Variants in PRPSAP1 observed in about 807,000 individuals in gnomAD.
PRPSAP1 encodes the protein phosphoribosyl pyrophosphate synthetase associated protein 1.
In PRPSAP1, 31 loss-of-function variants were observed where a neutral mutation model predicts 39.4. The observed-to-expected ratio is 0.79, with a 90% CI of 0.59 to 1.06. PRPSAP1 has a LOEUF of 1.06. Ranked by LOEUF, PRPSAP1 falls within the 50% of genes least tolerant of loss-of-function variation. The pLI, the probability that PRPSAP1 is intolerant of heterozygous loss-of-function variation, is 0.00. For synonymous variants in PRPSAP1, 212 were observed against 192.6 expected, an observed-to-expected ratio of 1.10 and a Z score of -0.83; for missense variants, 430 against 511.6, an observed-to-expected ratio of 0.84 and a Z score of 1.54.
At position 76,332,378 on chromosome 17, in the gene PRPSAP1, G is replaced by A. The variant is rs752086634; in HGVS notation, c.348C>T (p.Ala116=). The change falls in exon 4 of 10, where the codon GCC becomes GCT. Residue 116 remains alanine (A), a synonymous_variant. Transcript: ENST00000446526. ...LLIMAYALKT[A]CARNIIGVIP... ...TGACCCCAATAATGTTCCTGGCACA[G>A]GCAGTCTTCAGTGCGTAAGCCATGA... The A allele has an allele frequency of 1.9e-6, 3 of 1,614,154 alleles. No homozygotes were observed. Among genetic ancestry groups the A allele is most frequent in the East Asian group, 4.5e-5 (2 of 44,874 alleles).
chr17:76,318,633 G>A (rs1201153880), intron 7 of PRPSAP1, among the ~76,000 whole-genome samples: 2 of 152,166 alleles, frequency 1.3e-5, no homozygotes, highest in African/African-American at 4.8e-5. Context: ...AATTTGGGAG[G>A]TGCAATTTAT....
chr17:76,344,734 G>A lies in PRPSAP1; in HGVS notation c.227C>T (p.Thr76Ile). The change falls in exon 3 of 10, where the codon ACA becomes ATA. Residue 76 changes from threonine (T) to isoleucine (I), a missense_variant. Around this residue, in one of 2 missense-constraint regions of PRPSAP1, gnomAD observed 152 missense variants for 135.2 expected, o/e 1.12. Coordinates refer to ENST00000446526, the MANE Select transcript of PRPSAP1 (RefSeq NM_002766.3). ...AACAGATTCTTTTATTTCAACTCTT[G>A]TTTCTGAAAAATAAAAATGTTCTGA... ...SVVYQETNGE[T>I]RVEIKESVRG... 6.4e-7 allele frequency: 1 copy of A among 1,562,222 alleles called. No homozygotes were observed. Among genetic ancestry groups the A allele is most frequent in the Non-Finnish European group, 8.7e-7 (1 of 1,146,014 alleles).
At chr17:76,352,663 A>AAAAG (rs1555598144) in intron 1 of PRPSAP1, among the ~76,000 whole-genome samples, 6 of 144,890 alleles carry the variant, frequency 4.1e-5, no homozygotes, top group African/African-American at 1.6e-4. Context: ...AAAAAAAAAA[A>AAAAG]AAAAGAAAAG....
At chr17:76,348,711 A>C (rs1598544317) in intron 1 of PRPSAP1, 130 bp from the exon 2 acceptor site, 1 of 688,504 alleles carries the variant, frequency 1.5e-6, no homozygotes, top group East Asian at 3.6e-5. Flanking sequence ...AATAATTCAG[A>C]AAATCTAATT....
At chr17:76,349,376 A>T (rs904494284) in intron 1 of PRPSAP1, among the ~76,000 whole-genome samples, 1 of 152,142 alleles carries the variant, frequency 6.6e-6, no homozygotes, top group African/African-American at 2.4e-5. Context: ...CATAATATTA[A>T]GGAATTAATA....
chr17:76,353,530 T>G lies in PRPSAP1; in HGVS notation c.170+4A>C, dbSNP rs1485610490. On this transcript the variant is annotated splice_donor_region_variant and intron_variant, in intron 1 of 9. Coordinates refer to ENST00000446526, the MANE Select transcript of PRPSAP1 (RefSeq NM_002766.3). ...CCGGCCCGGCCCTCCCACCGCCCCC[T>G]TACTCTGTGATGCGCTTGGCCAGCT... 9 of 1,513,798 alleles carry G rather than the reference T, an allele frequency of 5.9e-6. No individual in the cohort carries two copies. The South Asian group carries it at 7.3e-5, about 12-fold the overall frequency. 93.8% of individuals were successfully genotyped at this position (1,513,798 alleles called of 1,614,324 possible). A position where few individuals can be genotyped will look rare whatever the true frequency, so the allele number is the denominator to read the frequency against.
intron 1 of PRPSAP1, among the ~76,000 whole-genome samples, chr17:76,352,281 A>G (rs2071583394): frequency 6.6e-6 from 1 of 152,226 alleles, no homozygotes; most frequent in Non-Finnish European, 1.5e-5. Flanking sequence ...TAACAAGTGT[A>G]TGTAGAAAGG....
At chr17:76,320,956 T>G (rs1168048377) in intron 7 of PRPSAP1, among the ~76,000 whole-genome samples, 1 of 150,942 alleles carries the variant, frequency 6.6e-6, no homozygotes, top group Non-Finnish European at 1.5e-5. Flanking sequence ...TTTTTTGTAT[T>G]TTTTTTTGTA....
At position 76,311,289 on chromosome 17, in the gene PRPSAP1, A is replaced by G. The variant is rs1309463817; in HGVS notation, c.*253T>C. 1 of 329,902 alleles carries G rather than the reference A, an allele frequency of 3.0e-6. No homozygotes were observed. The highest frequency in any genetic ancestry group is 5.2e-5 in the East Asian group (1 of 19,144). The allele number at this position is 329,902 out of a possible 1,614,324, so 20.4% of individuals were successfully genotyped here. On this transcript the variant is annotated 3_prime_UTR_variant, in exon 10 of 10. Transcript: ENST00000446526. ...TCAATAAGATTTTCAGATTATTTTT[A>G]AGAAAGCAGCTAGAACTTTTAAGGA...
At position 76,344,661 on chromosome 17, in the gene PRPSAP1, G is replaced by A; in HGVS notation, c.290+10C>T. 6.5e-7 allele frequency: 1 copy of A among 1,535,848 alleles called. No homozygotes were observed. Among genetic ancestry groups the A allele is most frequent in the African/African-American group, 1.4e-5 (1 of 71,792 alleles). On this transcript the variant is annotated intron_variant, in intron 3 of 9. Transcript: ENST00000446526. ...TTACAGAAAAGAGATAAAGTAGTCAGTCCTCTTACCTGGGTATTGTCTGTA... is the reference window on the plus strand; with the variant it reads ...TTACAGAAAAGAGATAAAGTAGTCAATCCTCTTACCTGGGTATTGTCTGTA...
chr17:76,342,452 G>A (rs536647618), intron 3 of PRPSAP1, among the ~76,000 whole-genome samples: 1 of 152,264 alleles, frequency 6.6e-6, no homozygotes, highest in East Asian at 1.9e-4. Flanking sequence ...GGTGGTTCAT[G>A]TCTGTAATCC....
At chr17:76,344,790 G>A (rs2143539795) in intron 2 of PRPSAP1, 53 bp from the exon 3 acceptor site, 2 of 1,404,856 alleles carry the variant, frequency 1.4e-6, no homozygotes, top group Admixed American at 4.3e-5. Flanking sequence ...TGTTAAAAAG[G>A]AGAAAAAAGA....
chr17:76,313,764 C>T, intron 8 of PRPSAP1, 57 bp downstream of exon 8: 2 of 1,571,070 alleles, frequency 1.3e-6, no homozygotes, highest in Non-Finnish European at 1.8e-6. Flanking sequence ...GAGTGGACAA[C>T]CTACTGACCA....
At chr17:76,318,324 C>A (rs1054707865) in intron 7 of PRPSAP1, among the ~76,000 whole-genome samples, 2 of 152,132 alleles carry the variant, frequency 1.3e-5, no homozygotes, top group African/African-American at 4.8e-5. Context: ...GTGTCAAGCA[C>A]CTGTAATCCC....
At chr17:76,325,235 C>T (rs991445969) in intron 7 of PRPSAP1, among the ~76,000 whole-genome samples, 5 of 150,846 alleles carry the variant, frequency 3.3e-5, no homozygotes, top group African/African-American at 9.8e-5. Flanking sequence ...CGGTGAAATG[C>T]CGTCTCTACT....
At chr17:76,352,057 T>TC (rs2071580784) in intron 1 of PRPSAP1, among the ~76,000 whole-genome samples, 1 of 147,164 alleles carries the variant, frequency 6.8e-6, no homozygotes, top group South Asian at 2.1e-4. Context: ...TCTCCAAAAC[T>TC]CCAACTATTA....
intron 3 of PRPSAP1, among the ~76,000 whole-genome samples, chr17:76,336,936 C>T (rs1021428522): frequency 6.6e-6 from 1 of 152,106 alleles, no homozygotes; most frequent in African/African-American, 2.4e-5. Context: ...GGACACCAGG[C>T]AGTTACTTTG....
chr17:76,313,571 C>T, intron 8 of PRPSAP1: 1 of 464,216 alleles, frequency 2.2e-6, no homozygotes, highest in East Asian at 3.4e-5. Context: ...ACCTAGAATC[C>T]ACATGATGAA....
rs200664013 is a variant in PRPSAP1, at chr17:76,334,623, T to C, written c.291-2188A>G. ...CTTAACTATTGCAAGCATTCTATGA[T>C]TAAAAAAAACAAAAACAAAAACAAA... On this transcript the variant is annotated intron_variant, in intron 3 of 9. Transcript: ENST00000446526. 7.6e-3 allele frequency among the ~76,000 whole-genome samples: 1,049 copies of C among 138,162 alleles called. 43 individuals carry two copies. The highest frequency in any genetic ancestry group is 0.053 in the Admixed American group (736 of 13,770). The allele number at this position is 138,162 out of a possible 152,430, so 90.6% of individuals were successfully genotyped here.
Sources: allele counts gnomAD v4.1 joint callset (sites outside exome capture counted in the v4.1 genomes callset), GRCh38; gene constraint gnomAD v4.1.1; regional missense constraint gnomAD v4.1.1; transcripts MANE v1.5; gene names NCBI Gene and HGNC (gene_info 2026-07-23, HGNC 2026-07-21).